The following ZMAT4 variants were observed in gnomAD, a reference collection of about 807,000 sequenced individuals.
The protein encoded by ZMAT4 is zinc finger matrin-type 4, also known as zinc finger matrin-type protein 4.
Under a neutral mutation model 28.7 loss-of-function variants are expected in ZMAT4, and 17 were observed. That is an observed-to-expected ratio of 0.59 (90% CI 0.41 to 0.89). The LOEUF (loss-of-function observed/expected upper bound fraction) is 0.89, where lower values mean the gene tolerates loss of function less well. Among genes scored for constraint, ZMAT4 ranks in the 40% least tolerant of loss-of-function variants. The pLI is 0.00. For missense variants in ZMAT4, 240 were observed against 283.8 expected (o/e 0.85, Z 1.11); for synonymous variants, 117 against 109.2 (o/e 1.07, Z -0.44).
chr8:40,823,209 A>T (rs1815894807), intron 2 of ZMAT4, among the ~76,000 whole-genome samples: 1 of 152,172 alleles, frequency 6.6e-6, no homozygotes, highest in Non-Finnish European at 1.5e-5. Flanking sequence ...GATCAAATGA[A>T]TAAAACTCTG....
chr8:40,574,939 A>C (rs904847410), intron 6 of ZMAT4, among the ~76,000 whole-genome samples: 1 of 152,160 alleles, frequency 6.6e-6, no homozygotes, highest in Non-Finnish European at 1.5e-5. Context: ...TCATAACCCC[A>C]TGATCTAAGC....
intron 4 of ZMAT4, among the ~76,000 whole-genome samples, chr8:40,682,522 C>A (rs550617241): frequency 7.9e-5 from 12 of 152,280 alleles, no homozygotes; most frequent in South Asian, 2.1e-4. Context: ...GATGCGAATT[C>A]TGCTACCCAG....
chr8:40,575,733 T>C (rs1044861534), intron 6 of ZMAT4, among the ~76,000 whole-genome samples: 1 of 151,698 alleles, frequency 6.6e-6, no homozygotes, highest in African/African-American at 2.4e-5. Flanking sequence ...CAGTTATCAA[T>C]GTAGAGACAT....
intron 3 of ZMAT4, among the ~76,000 whole-genome samples, chr8:40,715,047 C>CAAAAAAAAAAA (rs10690797): frequency 0.016 from 1,134 of 72,914 alleles, 96 homozygotes; most frequent in African/African-American, 0.028. Context: ...GACTCTGTCT[C>CAAAAAAAAAAA]AAAAAAAAAA....
chr8:40,566,390 C>T (rs553101395), intron 6 of ZMAT4, among the ~76,000 whole-genome samples: 3 of 152,118 alleles, frequency 2.0e-5, no homozygotes, highest in African/African-American at 4.8e-5. Context: ...TGATGTTTTC[C>T]GGACATGTGG....
In ZMAT4 at chr8:40,815,493, C is replaced by T. The variant is rs549978945; in HGVS notation, c.102+10082G>A. ...TAGAGGAGAGCAAAGGAAAATTTCT[C>T]TCAAACATCCATCTAAATAAGACTC... is the stretch of plus-strand genomic sequence containing the variant. On this transcript the variant is annotated intron_variant, in intron 2 of 6. Coordinates refer to ENST00000297737, the MANE Select transcript of ZMAT4 (RefSeq NM_024645.3). Among the ~76,000 whole-genome samples, 48 of 152,256 alleles carry T rather than the reference C, an allele frequency of 3.2e-4. No individual in the cohort carries two copies. In the South Asian group the frequency reaches 9.7e-3, roughly 31 times the overall value.
chr8:40,874,510 C>G (rs1817974237), intron 1 of ZMAT4, among the ~76,000 whole-genome samples: 1 of 152,248 alleles, frequency 6.6e-6, no homozygotes, highest in African/African-American at 2.4e-5. Flanking sequence ...TCGAATCTCA[C>G]AGTTGGGTCT....
chr8:40,613,180 C>CTTTTTTTTTTTTTTTTTTTTT (rs34687121), intron 5 of ZMAT4, among the ~76,000 whole-genome samples: 1 of 79,968 alleles, frequency 1.3e-5, no homozygotes, highest in Non-Finnish European at 2.2e-5. Flanking sequence ...TACTTTCTTT[C>CTTTTTTTTTTTTTTTTTTTTT]TTTTTTTTTT....
At chr8:40,831,854 C>T (rs1015913877) in intron 1 of ZMAT4, among the ~76,000 whole-genome samples, 1 of 152,138 alleles carries the variant, frequency 6.6e-6, no homozygotes, top group Non-Finnish European at 1.5e-5. Flanking sequence ...GAGCTCCTGA[C>T]CCAGAAGGAA....
intron 6 of ZMAT4, among the ~76,000 whole-genome samples, chr8:40,554,016 G>A (rs544891218): frequency 2.0e-5 from 3 of 152,098 alleles, no homozygotes; most frequent in South Asian, 4.2e-4. Flanking sequence ...GCCACTTAAG[G>A]GTACAGGTAT....
chr8:40,742,749 G>GCACACACA (rs10533331), intron 3 of ZMAT4, among the ~76,000 whole-genome samples: 5 of 5,576 alleles, frequency 9.0e-4, no homozygotes, highest in African/African-American at 1.2e-3. Context: ...GTGCACGCAT[G>GCACACACA]CACACACACA....
Position 40,587,183 on chromosome 8 carries a change from C to A in ZMAT4, c.578-5922G>T, listed in dbSNP as rs560630813. ...AGAATTCTATTTCTAGCAAAAATTTCTGTCAAAATTGAAGGTAGGCTAAGA... is the reference window on the plus strand; with the variant it reads ...AGAATTCTATTTCTAGCAAAAATTTATGTCAAAATTGAAGGTAGGCTAAGA... On this transcript the variant is annotated intron_variant, in intron 5 of 6. Transcript: ENST00000297737. Among the ~76,000 whole-genome samples, 114 of 150,636 alleles carry A rather than the reference C, an allele frequency of 7.6e-4. 1 individual carries two copies. Among genetic ancestry groups the A allele is most frequent in the Non-Finnish European group, 1.5e-3 (100 of 67,794 alleles).
At chr8:40,657,944 CCA>C (rs1442116993) in intron 5 of ZMAT4, among the ~76,000 whole-genome samples, 1 of 152,170 alleles carries the variant, frequency 6.6e-6, no homozygotes. Flanking sequence ...TGACATTGTC[CCA>C]CACACAGTGT....
At chr8:40,801,371 TAC>T (rs1554559781) in intron 2 of ZMAT4, among the ~76,000 whole-genome samples, 1 of 144,860 alleles carries the variant, frequency 6.9e-6, no homozygotes, top group African/African-American at 2.6e-5. Context: ...TATATATATA[TAC>T]ATATATATAT....
intron 1 of ZMAT4, among the ~76,000 whole-genome samples, chr8:40,866,885 C>G (rs961243065): frequency 2.0e-5 from 3 of 152,200 alleles, no homozygotes; most frequent in Non-Finnish European, 4.4e-5. Flanking sequence ...ATACAAATCC[C>G]CCTAATCTAC....
intron 5 of ZMAT4, among the ~76,000 whole-genome samples, chr8:40,621,888 C>G (rs928375368): frequency 6.6e-6 from 1 of 152,126 alleles, no homozygotes; most frequent in African/African-American, 2.4e-5. Flanking sequence ...GCTTACCCAC[C>G]TATGGTTTTC....
chr8:40,743,848 T>C (rs1192499785), intron 3 of ZMAT4, among the ~76,000 whole-genome samples: 1 of 152,086 alleles, frequency 6.6e-6, no homozygotes, highest in African/African-American at 2.4e-5. Flanking sequence ...AGCGGCTGAT[T>C]CTGGCTGTGG....
At chr8:40,591,673 A>G (rs968444657) in intron 5 of ZMAT4, among the ~76,000 whole-genome samples, 2 of 152,210 alleles carry the variant, frequency 1.3e-5, no homozygotes, top group Non-Finnish European at 1.5e-5. Flanking sequence ...TCTAATCCTT[A>G]TCATAAAGGT....
At chr8:40,859,699 G>A (rs1381926906) in intron 1 of ZMAT4, among the ~76,000 whole-genome samples, 1 of 152,166 alleles carries the variant, frequency 6.6e-6, no homozygotes, top group African/African-American at 2.4e-5. Context: ...AATTGCCAAT[G>A]GGCGGTGGAG....
Sources: allele counts gnomAD v4.1 joint callset (sites outside exome capture counted in the v4.1 genomes callset), GRCh38; gene constraint gnomAD v4.1.1; transcripts MANE v1.5; gene names NCBI Gene and HGNC (gene_info 2026-07-23, HGNC 2026-07-21).